AGBL2: variants seen among roughly 807,000 people sequenced by gnomAD.
AGBL2 encodes the protein cytosolic carboxypeptidase 2.
In AGBL2, 87 loss-of-function variants were observed where a neutral mutation model predicts 103.0. The ratio of observed to expected loss-of-function variants is 0.84; its 90% CI spans 0.71 to 1.01. The LOEUF (loss-of-function observed/expected upper bound fraction) is 1.01, where lower values mean the gene tolerates loss of function less well. AGBL2 is among the 50% of genes least tolerant of loss of function. The pLI is 0.00. For synonymous variants in AGBL2, 335 were observed against 356.7 expected (o/e 0.94, Z 0.69); for missense variants, 904 against 1,023.5 (o/e 0.88, Z 1.59).
chr11:47,662,045 G>GA (rs2097329435), intron 18 of AGBL2, among the ~76,000 whole-genome samples: 1 of 151,920 alleles, frequency 6.6e-6, no homozygotes, highest in African/African-American at 2.4e-5. Flanking sequence ...CACCGCGCCT[G>GA]GCCTCACCAC....
At chr11:47,710,971 A>T in intron 3 of AGBL2, 1 of 393,938 alleles carries the variant, frequency 2.5e-6, no homozygotes. Flanking sequence ...GGCATACTGA[A>T]CACTTTGAAT....
intron 14 of AGBL2, among the ~76,000 whole-genome samples, chr11:47,675,947 A>C (rs2097373309): frequency 6.6e-6 from 1 of 152,000 alleles, no homozygotes; most frequent in African/African-American, 2.4e-5. Context: ...TTGAGGATGC[A>C]GTGAGCAGAG....
chr11:47,712,226 G>A (rs922341779), intron 3 of AGBL2, among the ~76,000 whole-genome samples: 1 of 152,130 alleles, frequency 6.6e-6, no homozygotes, highest in African/African-American at 2.4e-5. Context: ...TTTGGATTTA[G>A]TACTATCAGT....
At chr11:47,687,139 A>T (rs2097427156) in intron 10 of AGBL2, among the ~76,000 whole-genome samples, 1 of 127,922 alleles carries the variant, frequency 7.8e-6, no homozygotes, top group African/African-American at 2.5e-5. Flanking sequence ...AATAATAAAA[A>T]AATAAATAAA....
chr11:47,663,078 A>T lies in AGBL2; in HGVS notation c.2483T>A (p.Leu828Gln), dbSNP rs762909192. The T allele has an allele frequency of 1.3e-6, 2 of 1,598,300 alleles. No homozygotes were observed. Among genetic ancestry groups the T allele is most frequent in the South Asian group, 2.3e-5 (2 of 87,214 alleles). The change falls in exon 18 of 19, where the codon CTG (leucine) becomes CAG (glutamine). Residue 828 changes from leucine (L) to glutamine (Q), a missense_variant. Physicochemically the swap from Leu to Gln is moderately radical, Grantham distance 113 (BLOSUM62 -2). Transcript: ENST00000525123. ...AATCAGGGTGGCCATTGATGGGTCC[A>T]GGGGGGTGTCTTTGTCTCTTCTATT... The part of the protein sequence containing the change: ...NLNRRDKDTP[L>Q]DPSMATLILP...
chr11:47,713,556 A>G (rs2097541652), intron 3 of AGBL2, among the ~76,000 whole-genome samples: 3 of 151,198 alleles, frequency 2.0e-5, no homozygotes, highest in Admixed American at 2.0e-4. Context: ...AAAATGTCAT[A>G]AGCCAATTGC....
intron 15 of AGBL2, 135 bp from the exon 16 acceptor site, chr11:47,667,831 A>G (rs1379659641): frequency 1.0e-6 from 1 of 979,678 alleles, no homozygotes; most frequent in East Asian, 2.4e-5. Context: ...TTTGGAGAAT[A>G]AACAAACAGT....
intron 8 of AGBL2, among the ~76,000 whole-genome samples, chr11:47,695,524 T>A (rs2097465650): frequency 7.4e-6 from 1 of 134,496 alleles, no homozygotes; most frequent in Non-Finnish European, 1.6e-5. Context: ...CCTGTAATCC[T>A]AGCACTTTGG....
Position 47,685,948 on chromosome 11 carries a change from T to C in AGBL2, c.1733A>G (p.Tyr578Cys). 6.2e-7 allele frequency: 1 copy of C among 1,614,100 alleles called. No individual in the cohort carries two copies. The highest frequency in any genetic ancestry group is 8.5e-7 in the Non-Finnish European group (1 of 1,180,000). The change falls in exon 11 of 19, where the codon TAC (tyrosine) becomes TGC (cysteine). Residue 578 changes from tyrosine (Y) to cysteine (C), a missense_variant. By Grantham distance (194) the Tyr-to-Cys change is radical. Transcript: ENST00000525123. ...AGGAAAGACTCGTTCATGAAGCCAG[T>C]ATTTGCGATTGTTGTTATTACAGCC... ...LYGCNNNNRK[Y>C]WLHERVFPLM...
At chr11:47,695,936 A>G (rs1403532097) in intron 8 of AGBL2, among the ~76,000 whole-genome samples, 1 of 139,616 alleles carries the variant, frequency 7.2e-6, no homozygotes, top group Non-Finnish European at 1.5e-5. Flanking sequence ...AGGCGGAGGC[A>G]GGTGGATCAC....
intron 14 of AGBL2, among the ~76,000 whole-genome samples, chr11:47,676,273 C>G (rs1565021604): frequency 6.6e-6 from 1 of 152,060 alleles, no homozygotes; most frequent in Non-Finnish European, 1.5e-5. Context: ...ATGCCCATAT[C>G]CAATCCACAG....
intron 10 of AGBL2, among the ~76,000 whole-genome samples, chr11:47,686,979 ATGG>A (rs2097426304): frequency 2.5e-5 from 2 of 80,690 alleles, no homozygotes; most frequent in Non-Finnish European, 4.6e-5. Flanking sequence ...AAAAAAAAAA[ATGG>A]TGGGGGGAGG....
At position 47,678,338 on chromosome 11, in the gene AGBL2, A is replaced by ATTATTTTTTTTTTTTTTTTT. The variant is rs1565026654; in HGVS notation, c.2017-938_2017-937insAAAAAAAAAAAAAAAAATAA. ...TTATTTTATTTTATTTTATTTTATT[A>ATTATTTTTTTTTTTTTTTTT]TTTTATTTTTTTTGAGACGGAGTCT... On this transcript the variant is annotated intron_variant, in intron 13 of 18. Coordinates refer to ENST00000525123, the MANE Select transcript of AGBL2 (RefSeq NM_024783.4). 1.7e-3 allele frequency among the ~76,000 whole-genome samples: 166 copies of ATTATTTTTTTTTTTTTTTTT among 95,154 alleles called. 2 individuals are homozygous for ATTATTTTTTTTTTTTTTTTT. The highest frequency in any genetic ancestry group is 9.2e-3 in the South Asian group (24 of 2,604). 62.4% of individuals were successfully genotyped at this position (95,154 alleles called of 152,430 possible). A position where few individuals can be genotyped will look rare whatever the true frequency, so the allele number is the denominator to read the frequency against.
rs897307084 is a variant in AGBL2 at position 47,692,586 on chromosome 11, G to A, written c.695-330C>T. On this transcript the variant is annotated intron_variant, in intron 8 of 18. Coordinates refer to ENST00000525123, the MANE Select transcript of AGBL2 (RefSeq NM_024783.4). ...ACCACCACGCCTGGCTAATTTTTTT[G>A]TATATTTAGTAGAGACGGAGTTTCA... 3.3e-5 allele frequency among the ~76,000 whole-genome samples: 5 copies of A among 150,386 alleles called. No individual in the cohort carries two copies. In the East Asian group the frequency reaches 5.9e-4, roughly 18 times the overall value.
chr11:47,711,594 C>T (rs998427589), intron 3 of AGBL2, among the ~76,000 whole-genome samples: 25 of 152,196 alleles, frequency 1.6e-4, no homozygotes, highest in Admixed American at 3.9e-4. Context: ...AGTGCAGTAG[C>T]GCAATCTCAG....
In AGBL2 at chr11:47,690,282, A is replaced by G. The variant is rs772517085; in HGVS notation, c.1425T>C (p.Phe475=). The G allele has an allele frequency of 1.0e-4, 164 of 1,613,714 alleles. No individual in the cohort carries two copies. Among genetic ancestry groups the G allele is most frequent in the Non-Finnish European group, 2.2e-5 (26 of 1,179,964 alleles). ...GGGAGTTGCTAAGGATGAAGTCCAA[A>G]AAGCCTTTCATAACCCAGGAGCCAT... is the stretch of plus-strand genomic sequence containing the variant. ...ESNGSWVMKG[F]LDFILSNSPD... The change falls in exon 10 of 19, where the codon TTT becomes TTC. Residue 475 remains phenylalanine (F), a synonymous_variant. Transcript: ENST00000525123.
chr11:47,710,262 CAG>C, intron 4 of AGBL2, 113 bp downstream of exon 4: 1 of 1,272,274 alleles, frequency 7.9e-7, no homozygotes, highest in Non-Finnish European at 1.1e-6. Flanking sequence ...GTGTTAGAAA[CAG>C]AGGCCAAGGC....
In AGBL2 at chr11:47,659,681, T is replaced by C. The variant is rs2097323578; in HGVS notation, c.*492A>G. On this transcript the variant is annotated 3_prime_UTR_variant, in exon 19 of 19. Coordinates refer to ENST00000525123, the MANE Select transcript of AGBL2 (RefSeq NM_024783.4). ...GCAACATTAAATTCTGGGTAATACA[T>C]GCATTGTTATTTCTATGTGGGAATA... 6.6e-6 allele frequency: 1 copy of C among 152,382 alleles called. No homozygotes were observed. Among genetic ancestry groups the C allele is most frequent in the Non-Finnish European group, 1.5e-5 (1 of 68,212 alleles). 9.4% of individuals were successfully genotyped at this position (152,382 alleles called of 1,614,324 possible). A position where few individuals can be genotyped will look rare whatever the true frequency, so the allele number is the denominator to read the frequency against.
rs78847058 is a variant in AGBL2, at chr11:47,696,557, C to T, written c.694+2889G>A. 9.2e-3 allele frequency among the ~76,000 whole-genome samples: 1,396 copies of T among 152,120 alleles called. 26 individuals are homozygous for T. Among genetic ancestry groups the T allele is most frequent in the African/African-American group, 0.032 (1,335 of 41,510 alleles). On this transcript the variant is annotated intron_variant, in intron 8 of 18. Coordinates refer to ENST00000525123, the MANE Select transcript of AGBL2 (RefSeq NM_024783.4). Reference sequence around the variant, plus strand: ...GGGATTAGAGGCCTGAACTACCAGGCCCCAGGTGGGCCTGGGTTTTCTTTG... The same window carrying T: ...GGGATTAGAGGCCTGAACTACCAGGTCCCAGGTGGGCCTGGGTTTTCTTTG...
Sources: gnomAD v4.1 joint callset for allele counts (sites outside exome capture counted in the v4.1 genomes callset) on GRCh38, gnomAD v4.1.1 for gene constraint, MANE v1.5 for transcripts, NCBI Gene and HGNC (gene_info 2026-07-23, HGNC 2026-07-21) for gene names.